TEC: variants seen among roughly 807,000 people sequenced by gnomAD.
TEC encodes tyrosine-protein kinase Tec.
In TEC, 72 loss-of-function variants were observed where a neutral mutation model predicts 93.0. The observed-to-expected ratio is 0.77, with a 90% CI of 0.64 to 0.94. The LOEUF (loss-of-function observed/expected upper bound fraction) is 0.94, where lower values mean the gene tolerates loss of function less well. TEC is among the 40% of genes least tolerant of loss of function. TEC has a pLI of 0.00. For missense variants in TEC, 630 were observed against 757.9 expected, an observed-to-expected ratio of 0.83 and a Z score of 1.98; for synonymous variants, 249 against 247.7, an observed-to-expected ratio of 1.01 and a Z score of -0.05.
intron 1 of TEC, among the ~76,000 whole-genome samples, chr4:48,231,656 C>T (rs566387663): frequency 1.3e-5 from 2 of 152,156 alleles, no homozygotes; most frequent in Admixed American, 1.3e-4. Flanking sequence ...ACTCGGGAAG[C>T]TGAGGCAGGA....
At chr4:48,186,430 G>A (rs1487679771) in intron 2 of TEC, among the ~76,000 whole-genome samples, 1 of 150,210 alleles carries the variant, frequency 6.7e-6, no homozygotes, top group Admixed American at 6.6e-5. Context: ...CTGCCTGGCC[G>A]CCCATCGTCT....
intron 15 of TEC, among the ~76,000 whole-genome samples, 182 bp downstream of exon 15, chr4:48,141,173 T>C (rs1331063184): frequency 2.6e-5 from 4 of 152,168 alleles, no homozygotes; most frequent in Non-Finnish European, 4.4e-5. Context: ...TACAGTGTAT[T>C]TAACAGGCTA....
intron 2 of TEC, among the ~76,000 whole-genome samples, chr4:48,212,110 A>AAAAAAAAAAAAAATATATATATATAT: frequency 8.2e-6 from 1 of 122,262 alleles, no homozygotes; most frequent in African/African-American, 3.0e-5. Context: ...AAAAAAAAAA[A>AAAAAAAAAAAAAATATATATATATAT]ATATATATAT....
intron 2 of TEC, among the ~76,000 whole-genome samples, chr4:48,193,359 C>T (rs750616056): frequency 6.6e-6 from 1 of 152,026 alleles, no homozygotes; most frequent in Non-Finnish European, 1.5e-5. Flanking sequence ...CTGCAGTTCT[C>T]TCAGACCTAT....
chr4:48,226,658 A>G (rs779916063), intron 2 of TEC, among the ~76,000 whole-genome samples: 11 of 152,250 alleles, frequency 7.2e-5, no homozygotes, highest in Non-Finnish European at 1.6e-4. Context: ...CCTACTGTTC[A>G]TGTCCTCAGT....
At chr4:48,260,725 C>T (rs750993683) in intron 1 of TEC, among the ~76,000 whole-genome samples, 11 of 152,034 alleles carry the variant, frequency 7.2e-5, no homozygotes, top group Non-Finnish European at 1.0e-4. Flanking sequence ...CTAATTACAA[C>T]GTCATAAAGT....
chr4:48,152,979 A>G (rs571541451), intron 9 of TEC, among the ~76,000 whole-genome samples: 2 of 152,318 alleles, frequency 1.3e-5, no homozygotes, highest in Admixed American at 6.5e-5. Context: ...CTTCTAGTCT[A>G]ACTCCTTTTC....
At chr4:48,178,211 C>CT (rs1285546183) in intron 2 of TEC, among the ~76,000 whole-genome samples, 1 of 123,550 alleles carries the variant, frequency 8.1e-6, no homozygotes, top group Non-Finnish European at 1.8e-5. Flanking sequence ...CGGCCTCAAA[C>CT]TACCAGTGCC....
At chr4:48,144,887 A>C (rs1719838692) in intron 14 of TEC, among the ~76,000 whole-genome samples, 192 bp downstream of exon 14, 1 of 152,232 alleles carries the variant, frequency 6.6e-6, no homozygotes, top group Admixed American at 6.5e-5. Flanking sequence ...GATATTAACT[A>C]AGTAAATCAT....
At chr4:48,262,604 G>C (rs1340344205) in intron 1 of TEC, among the ~76,000 whole-genome samples, 1 of 152,126 alleles carries the variant, frequency 6.6e-6, no homozygotes, top group Non-Finnish European at 1.5e-5. Flanking sequence ...AAGAACTTCT[G>C]TGAAGACCCA....
At chr4:48,145,844 A>G (rs1719884632) in intron 12 of TEC, among the ~76,000 whole-genome samples, 1 of 152,214 alleles carries the variant, frequency 6.6e-6, no homozygotes, top group Non-Finnish European at 1.5e-5. Flanking sequence ...CTGAAAGTTA[A>G]AGGTACTTTT....
At chr4:48,149,504 G>A in intron 11 of TEC, 53 bp downstream of exon 11, 3 of 1,484,232 alleles carry the variant, frequency 2.0e-6, no homozygotes, top group Non-Finnish European at 2.7e-6. Flanking sequence ...CACAGTATCT[G>A]ATCATTTTAA....
intron 1 of TEC, among the ~76,000 whole-genome samples, chr4:48,265,256 T>G (rs1724602239): frequency 6.6e-6 from 1 of 151,582 alleles, no homozygotes. Context: ...ATTTTAAATA[T>G]TCATGATTAC....
At chr4:48,186,475 T>C (rs1294538943) in intron 2 of TEC, among the ~76,000 whole-genome samples, 1 of 148,956 alleles carries the variant, frequency 6.7e-6, no homozygotes, top group Non-Finnish European at 1.5e-5. Flanking sequence ...CGCCGCCCCG[T>C]CTGGGATGTG....
intron 2 of TEC, among the ~76,000 whole-genome samples, chr4:48,226,969 A>G (rs544017029): frequency 6.6e-6 from 1 of 152,328 alleles, no homozygotes; most frequent in South Asian, 2.1e-4. Flanking sequence ...CACATATATC[A>G]TATGTTACAT....
intron 11 of TEC, 75 bp from the exon 12 acceptor site, chr4:48,146,474 A>C: frequency 2.9e-6 from 4 of 1,360,516 alleles, no homozygotes; most frequent in Non-Finnish European, 4.2e-6. Flanking sequence ...CAGGAAACTC[A>C]CTTAGAAAAT....
intron 1 of TEC, among the ~76,000 whole-genome samples, chr4:48,248,979 T>C (rs1724131089): frequency 6.6e-6 from 1 of 152,062 alleles, no homozygotes; most frequent in South Asian, 2.1e-4. Flanking sequence ...TAATCGTGTG[T>C]CAAGTTTGGA....
intron 8 of TEC, among the ~76,000 whole-genome samples, chr4:48,158,896 T>C (rs1037296969): frequency 1.3e-5 from 2 of 152,210 alleles, no homozygotes; most frequent in Non-Finnish European, 2.9e-5. Context: ...GGAAAGGATG[T>C]TCCCTGGAAA....
At chr4:48,206,777 CA>C (rs34761710) in intron 2 of TEC, among the ~76,000 whole-genome samples, 2,173 of 89,204 alleles carry the variant, frequency 0.024, 29 homozygotes, top group African/African-American at 0.064. Context: ...CTCGTTGCTA[CA>C]AAAAAAAAAA....
Sources: allele counts gnomAD v4.1 joint callset (sites outside exome capture counted in the v4.1 genomes callset), GRCh38; gene constraint gnomAD v4.1.1; transcripts MANE v1.5; gene names NCBI Gene and HGNC (gene_info 2026-07-23, HGNC 2026-07-21).